TPM1: variants seen among roughly 807,000 people sequenced by gnomAD.
The protein encoded by TPM1 is tropomyosin 1.
In TPM1, 24 loss-of-function variants were observed where a neutral mutation model predicts 42.9. The ratio of observed to expected loss-of-function variants is 0.56; its 90% CI spans 0.41 to 0.79. The LOEUF is 0.79. Among genes scored for constraint, TPM1 ranks in the 30% least tolerant of loss-of-function variants. The pLI, the probability that TPM1 is intolerant of heterozygous loss-of-function variation, is 0.00. For missense variants in TPM1, 158 were observed against 351.8 expected, an observed-to-expected ratio of 0.45 and a Z score of 4.41; for synonymous variants, 136 against 130.1, an observed-to-expected ratio of 1.05 and a Z score of -0.31.
chr15:63,070,571 T>C, downstream of TPM1: 1 of 1,007,966 alleles, frequency 9.9e-7, no homozygotes, highest in Non-Finnish European at 1.2e-6. Context: ...TAATGAAGTG[T>C]GCATGAAACA....
chr15:63,043,275 G>C, intron 1 of TPM1: 2 of 515,242 alleles, frequency 3.9e-6, no homozygotes, highest in Non-Finnish European at 3.7e-6. Flanking sequence ...AAGGAAGGGC[G>C]AGGGATGGAG....
At chr15:63,064,420 C>T (rs2036041753) in intron 9 of TPM1, 2 of 1,246,192 alleles carry the variant, frequency 1.6e-6, no homozygotes, top group African/African-American at 1.5e-5. Context: ...TGAGCACTGT[C>T]CTTTTGGGAA....
chr15:63,060,336 T>A (rs1385372479), intron 4 of TPM1, among the ~76,000 whole-genome samples: 1 of 152,240 alleles, frequency 6.6e-6, no homozygotes, highest in Non-Finnish European at 1.5e-5. Context: ...TTTGATCTGC[T>A]TCAGAGGCTC....
chr15:63,062,469 T>C, intron 7 of TPM1, 107 bp from the exon 8 acceptor site: 2 of 1,397,014 alleles, frequency 1.4e-6, no homozygotes, highest in South Asian at 2.3e-5. Context: ...TAGTTTCTGA[T>C]CCATTTTATA....
intron 1 of TPM1, chr15:63,043,657 A>G: frequency 6.5e-7 from 1 of 1,536,354 alleles, no homozygotes; most frequent in South Asian, 1.2e-5. Flanking sequence ...GTGTGTGTCT[A>G]ACACCCGGTC....
At chr15:63,066,182 G>A, downstream of TPM1, 2 of 1,420,864 alleles carry the variant, frequency 1.4e-6, no homozygotes, top group East Asian at 5.2e-5. Context: ...ACACATATGA[G>A]GGTTAGTGTT....
exon 9 of TPM1, chr15:63,071,309 G>C: frequency 9.7e-7 from 1 of 1,032,824 alleles, no homozygotes; most frequent in South Asian, 1.4e-5. Context: ...AGGTCAGGGG[G>C]TGGGGAAAAC....
intron 2 of TPM1, chr15:63,047,405 G>A (rs553591966): frequency 2.0e-5 from 3 of 152,362 alleles, no homozygotes; most frequent in East Asian, 1.9e-4. Flanking sequence ...GACTTAGAAG[G>A]CATTTAAGAA....
chr15:63,059,893 G>A lies in TPM1; in HGVS notation c.492+213G>A, dbSNP rs3803501. On this transcript the variant is annotated intron_variant, in intron 4 of 9. Coordinates refer to ENST00000403994, the MANE Select transcript of TPM1 (RefSeq NM_001018005.2). The stretch of plus-strand genomic sequence containing the variant: ...GGCTTTATCAGGAAGCCAATCAGTA[G>A]CACTGCGAAGAAGGACCAAAACTCC... 219,250 of 410,112 alleles carry A rather than the reference G, an allele frequency of 0.53. 59,313 individuals are homozygous for A. Among genetic ancestry groups the A allele is most frequent in the Non-Finnish European group, 0.57 (122,744 of 215,944 alleles). The allele number at this position is 410,112 out of a possible 1,614,324, so 25.4% of individuals were successfully genotyped here.
chr15:63,064,704 G>A (rs1371999612), intron 9 of TPM1: 21 of 984,920 alleles, frequency 2.1e-5, no homozygotes, highest in African/African-American at 5.3e-5. Flanking sequence ...AGTGGCTCAC[G>A]CCTGTAATCC....
chr15:63,061,837 CA>C, intron 6 of TPM1, 49 bp downstream of exon 6: 1 of 1,523,648 alleles, frequency 6.6e-7, no homozygotes, highest in Non-Finnish European at 9.1e-7. Flanking sequence ...AAGAGCTGCT[CA>C]AAAGAGGCCC....
rs188477259 is a variant in TPM1 at position 63,056,827 on chromosome 15, A to C, written c.241-158A>C. The stretch of plus-strand genomic sequence containing the variant: ...ATAAATCAATGTGTAAATGTGTCCG[A>C]GAACTCCAGAGTTGATGAGGGCTTG... On this transcript the variant is annotated intron_variant, in intron 2 of 9. Transcript: ENST00000403994. The C allele has an allele frequency of 7.1e-5, 65 of 914,614 alleles. No homozygotes were observed. In the Admixed American group the frequency reaches 1.1e-3, roughly 16 times the overall value. 56.7% of individuals were successfully genotyped at this position (914,614 alleles called of 1,614,324 possible). A position where few individuals can be genotyped will look rare whatever the true frequency, so the allele number is the denominator to read the frequency against.
At chr15:63,055,332 G>A (rs2034613910) in intron 2 of TPM1, among the ~76,000 whole-genome samples, 1 of 152,142 alleles carries the variant, frequency 6.6e-6, no homozygotes, top group African/African-American at 2.4e-5. Flanking sequence ...CCTTCACCGT[G>A]GTTGGAGATG....
rs936905215 is a variant in TPM1, at chr15:63,066,123, T to C, written c.*224T>C. 1 of 1,483,272 alleles carries C rather than the reference T, an allele frequency of 6.7e-7. No individual in the cohort carries two copies. Among genetic ancestry groups the C allele is most frequent in the African/African-American group, 1.4e-5 (1 of 70,490 alleles). The allele number at this position is 1,483,272 out of a possible 1,614,324, so 91.9% of individuals were successfully genotyped here. The stretch of plus-strand genomic sequence containing the variant: ...TGTTTGCTATTCTTTTTACTTCTTA[T>C]TTATTGACATTTTAGTTTCAACATT... On this transcript the variant is annotated 3_prime_UTR_variant, in exon 10 of 10. Coordinates refer to ENST00000403994, the MANE Select transcript of TPM1 (RefSeq NM_001018005.2).
downstream of TPM1, chr15:63,070,828 C>A: frequency 2.4e-6 from 3 of 1,268,476 alleles, no homozygotes; most frequent in Non-Finnish European, 3.0e-6. Flanking sequence ...CCAAACCCCA[C>A]GTGCATTTTA....
At chr15:63,051,746 TATA>T (rs2033914980) in intron 2 of TPM1, among the ~76,000 whole-genome samples, 1 of 152,248 alleles carries the variant, frequency 6.6e-6, no homozygotes, top group Non-Finnish European at 1.5e-5. Flanking sequence ...ATTTCTAGAT[TATA>T]ATATTCTCCC....
chr15:63,063,798 T>C lies in TPM1; in HGVS notation c.773-266T>C, dbSNP rs543227131. ...TACAATTTAACATGGTTTACTGATA[T>C]ACCTACCATATTTGTTAGGATTTTC... On this transcript the variant is annotated intron_variant, in intron 8 of 9. Transcript: ENST00000403994. 1.8e-3 allele frequency: 847 copies of C among 476,746 alleles called. 24 individuals are homozygous for C. The South Asian group carries it at 0.022, about 13-fold the overall frequency. The allele number at this position is 476,746 out of a possible 1,614,324, so 29.5% of individuals were successfully genotyped here. A position where few individuals can be genotyped will look rare whatever the true frequency, so the allele number is the denominator to read the frequency against.
chr15:63,069,828 C>T (rs1349538033), downstream of TPM1: 2 of 1,613,360 alleles, frequency 1.2e-6, no homozygotes, highest in African/African-American at 2.7e-5. Flanking sequence ...ACCTGTCTTC[C>T]TTCTGCCTCT....
chr15:63,063,060 T>G, intron 8 of TPM1: 1 of 983,272 alleles, frequency 1.0e-6, no homozygotes, highest in Non-Finnish European at 1.2e-6. Flanking sequence ...GAATTCAAAG[T>G]AAGGATTTAG....
Sources: allele counts gnomAD v4.1 joint callset (sites outside exome capture counted in the v4.1 genomes callset), GRCh38; gene constraint gnomAD v4.1.1; transcripts MANE v1.5; gene names NCBI Gene and HGNC (gene_info 2026-07-23, HGNC 2026-07-21).